The following DPP10 variants were observed in gnomAD, a reference collection of about 807,000 sequenced individuals.
DPP10 encodes the protein inactive dipeptidyl peptidase 10.
A neutral mutation model predicts 120.9 loss-of-function variants in DPP10; 33 were observed. The observed-to-expected ratio is 0.27, with a 90% CI of 0.21 to 0.37. The LOEUF (loss-of-function observed/expected upper bound fraction) is 0.37. Ranked by LOEUF, DPP10 falls within the 10% of genes least tolerant of loss-of-function variation. The pLI is 1.00. For missense variants in DPP10, 816 were observed against 942.8 expected (o/e 0.87, Z 1.76); for synonymous variants, 337 against 326.1 (o/e 1.03, Z -0.36).
chr2:115,095,353 A>C (rs889625014), intron 1 of DPP10, among the ~76,000 whole-genome samples: 1 of 152,136 alleles, frequency 6.6e-6, no homozygotes, highest in Non-Finnish European at 1.5e-5. Context: ...CCCTGGTAAC[A>C]GGAGGAAGGT....
intron 5 of DPP10, among the ~76,000 whole-genome samples, chr2:115,593,489 G>A (rs2149184608): frequency 6.6e-6 from 1 of 152,206 alleles, no homozygotes; most frequent in East Asian, 1.9e-4. Flanking sequence ...CGTTTAAGTT[G>A]TCTAGCTTCA....
At chr2:114,628,737 A>G (rs895917213) in intron 1 of DPP10, among the ~76,000 whole-genome samples, 1 of 152,094 alleles carries the variant, frequency 6.6e-6, no homozygotes, top group Non-Finnish European at 1.5e-5. Context: ...GATTAGTAAC[A>G]ATGCTCAGGT....
chr2:115,091,724 C>A (rs1709280624), intron 1 of DPP10, among the ~76,000 whole-genome samples: 1 of 152,178 alleles, frequency 6.6e-6, no homozygotes, highest in African/African-American at 2.4e-5. Context: ...TTATGCTTTG[C>A]TCACGGAAGA....
intron 4 of DPP10, among the ~76,000 whole-genome samples, chr2:115,508,512 T>C (rs1165486822): frequency 6.6e-6 from 1 of 152,182 alleles, no homozygotes; most frequent in African/African-American, 2.4e-5. Context: ...AGAATGAAAG[T>C]TAAATATTGC....
Position 115,318,902 on chromosome 2 carries a change from A to G in DPP10, c.175+9549A>G, listed in dbSNP as rs150347100. Among the ~76,000 whole-genome samples the G allele has an allele frequency of 4.8e-3, 728 of 152,190 alleles. 5 individuals carry two copies. The highest frequency in any genetic ancestry group is 8.2e-3 in the Non-Finnish European group (554 of 67,948). The stretch of plus-strand genomic sequence containing the variant: ...TTCATGTCCAAATTGACCATCTTTT[A>G]GTTCTTTTTCTTGTCTAGTTACTCT... On this transcript the variant is annotated intron_variant, in intron 2 of 25. Coordinates refer to ENST00000410059, the MANE Select transcript of DPP10 (RefSeq NM_020868.6).
At chr2:115,134,541 C>T (rs1249635405) in intron 1 of DPP10, among the ~76,000 whole-genome samples, 1 of 152,122 alleles carries the variant, frequency 6.6e-6, no homozygotes, top group Non-Finnish European at 1.5e-5. Flanking sequence ...CATGATAAAG[C>T]CAGAATTTAA....
At chr2:114,563,228 T>C (rs751412200) in intron 1 of DPP10, among the ~76,000 whole-genome samples, 3 of 152,036 alleles carry the variant, frequency 2.0e-5, no homozygotes, top group Non-Finnish European at 2.9e-5. Flanking sequence ...AAAAATTAGC[T>C]GGACATGGTG....
At position 115,404,196 on chromosome 2, in the gene DPP10, TACAATC is replaced by T. The variant is rs1371575716; in HGVS notation, c.271+60286_271+60291del. The stretch of plus-strand genomic sequence containing the variant: ...GCTTTTGGGGAGGCCTCAGAAAACT[TACAATC>T]ATGGTGGAAGGCAAAGGGGGAGCAA... On this transcript the variant is annotated intron_variant, in intron 3 of 25. Coordinates refer to ENST00000410059, the MANE Select transcript of DPP10 (RefSeq NM_020868.6). Among the ~76,000 whole-genome samples the T allele has an allele frequency of 3.9e-5, 6 of 152,176 alleles. No individual in the cohort carries two copies. The East Asian group carries it at 7.8e-4, about 20-fold the overall frequency.
intron 3 of DPP10, among the ~76,000 whole-genome samples, chr2:115,350,024 A>C (rs1262951025): frequency 1.3e-5 from 2 of 152,168 alleles, no homozygotes; most frequent in African/African-American, 4.8e-5. Flanking sequence ...ATTTATATTC[A>C]TGAGGCTCTT....
intron 1 of DPP10, among the ~76,000 whole-genome samples, chr2:115,024,640 T>A (rs568175894): frequency 8.0e-5 from 12 of 150,150 alleles, no homozygotes; most frequent in Non-Finnish European, 1.3e-4. Flanking sequence ...TATGTACATA[T>A]ACATACACAC....
intron 7 of DPP10, among the ~76,000 whole-genome samples, chr2:115,706,890 C>A (rs1401156908): frequency 6.6e-6 from 1 of 151,972 alleles, no homozygotes; most frequent in African/African-American, 2.4e-5. Context: ...CGAGACTCTT[C>A]ATGTCAGAAA....
At chr2:115,832,531 G>C (rs1388686993) in intron 21 of DPP10, among the ~76,000 whole-genome samples, 1 of 151,316 alleles carries the variant, frequency 6.6e-6, no homozygotes. Flanking sequence ...GTCGATTTTT[G>C]TTTAAAAATC....
intron 1 of DPP10, among the ~76,000 whole-genome samples, chr2:114,747,886 G>A (rs969706015): frequency 5.9e-5 from 9 of 151,898 alleles, no homozygotes; most frequent in Non-Finnish European, 8.8e-5. Flanking sequence ...TGCATTCCTC[G>A]GAGAATGTGC....
At chr2:115,601,875 G>A (rs919303435) in intron 5 of DPP10, among the ~76,000 whole-genome samples, 12 of 150,462 alleles carry the variant, frequency 8.0e-5, no homozygotes, top group Non-Finnish European at 1.5e-4. Flanking sequence ...TAGAGACGGG[G>A]TTTCACCATA....
chr2:115,231,511 A>T (rs1574093674), intron 1 of DPP10, among the ~76,000 whole-genome samples: 1 of 152,286 alleles, frequency 6.6e-6, no homozygotes, highest in East Asian at 1.9e-4. Context: ...CTTAGAAGTC[A>T]TCTTAGTCCA....
chr2:115,547,261 CAT>C (rs1460732226), intron 5 of DPP10, among the ~76,000 whole-genome samples: 1 of 152,122 alleles, frequency 6.6e-6, no homozygotes, highest in African/African-American at 2.4e-5. Flanking sequence ...CTGGCAATAA[CAT>C]ATAAAGTAGC....
chr2:114,570,836 TAAAAAA>T lies in DPP10; in HGVS notation c.60+128017_60+128022del, dbSNP rs58796386. 2.2e-4 allele frequency among the ~76,000 whole-genome samples: 13 copies of T among 57,830 alleles called. No homozygotes were observed. In the South Asian group the frequency reaches 9.1e-3, roughly 40 times the overall value. The allele number at this position is 57,830 out of a possible 152,430, so 37.9% of individuals were successfully genotyped here. ...TGACAGAGTGAGACTCTGTCTCAAATAAAAAAAAAAAAAAAAAAAAAAAAGAAAAGT... is the reference window on the plus strand; with the variant it reads ...TGACAGAGTGAGACTCTGTCTCAAATAAAAAAAAAAAAAAAAAAGAAAAGT... On this transcript the variant is annotated intron_variant, in intron 1 of 25. Transcript: ENST00000410059.
At chr2:114,929,020 A>G (rs1695857445) in intron 1 of DPP10, among the ~76,000 whole-genome samples, 1 of 152,210 alleles carries the variant, frequency 6.6e-6, no homozygotes, top group Non-Finnish European at 1.5e-5. Flanking sequence ...GAAAGAGTAC[A>G]AAAGAGAGAA....
intron 1 of DPP10, among the ~76,000 whole-genome samples, chr2:115,298,355 A>C (rs747290992): frequency 2.0e-5 from 3 of 152,086 alleles, no homozygotes; most frequent in Non-Finnish European, 4.4e-5. Context: ...TTAGATATTA[A>C]AATGCAGGTG....
Sources: allele counts gnomAD v4.1 joint callset (sites outside exome capture counted in the v4.1 genomes callset), GRCh38; gene constraint gnomAD v4.1.1; transcripts MANE v1.5; gene names NCBI Gene and HGNC (gene_info 2026-07-23, HGNC 2026-07-21).